NDUFAF2: variants seen among roughly 807,000 people sequenced by gnomAD.
NDUFAF2 encodes NADH dehydrogenase [ubiquinone] 1 alpha subcomplex assembly factor 2.
Under a neutral mutation model 22.8 loss-of-function variants are expected in NDUFAF2, and 13 were observed. The observed-to-expected ratio is 0.57, with a 90% CI of 0.37 to 0.91. The LOEUF is 0.91. Among genes scored for constraint, NDUFAF2 ranks in the 40% least tolerant of loss-of-function variants. NDUFAF2 has a pLI of 0.01. For synonymous variants in NDUFAF2, 53 were observed against 64.2 expected, an observed-to-expected ratio of 0.83 and a Z score of 0.84; for missense variants, 162 against 195.2, an observed-to-expected ratio of 0.83 and a Z score of 1.01.
chr5:60,985,887 T>TGG (rs1360664847), intron 1 of NDUFAF2, among the ~76,000 whole-genome samples: 1 of 152,098 alleles, frequency 6.6e-6, no homozygotes, highest in South Asian at 2.1e-4. Context: ...GAGATTTGGG[T>TGG]GGGGACACAG....
intron 1 of NDUFAF2, among the ~76,000 whole-genome samples, chr5:60,978,520 G>A (rs2619892): frequency 0.15 from 22,577 of 152,108 alleles, 2,136 homozygotes; most frequent in South Asian, 0.28. Flanking sequence ...CAAGCAGTTG[G>A]GGGAGGTGCC....
chr5:61,080,293 A>G lies in NDUFAF2; in HGVS notation c.217+7079A>G, dbSNP rs535668964. Reference sequence around the variant, plus strand: ...ATCTGTGAACAGAAATTTTCTTTCAAATAAGTCCTTGGGCAGGATTGGTAG... The same window carrying G: ...ATCTGTGAACAGAAATTTTCTTTCAGATAAGTCCTTGGGCAGGATTGGTAG... On this transcript the variant is annotated intron_variant, in intron 2 of 3. Coordinates refer to ENST00000296597, the MANE Select transcript of NDUFAF2 (RefSeq NM_174889.5). Among the ~76,000 whole-genome samples the G allele has an allele frequency of 5.1e-4, 77 of 152,354 alleles. 3 individuals carry two copies. In the South Asian group the frequency reaches 0.016, roughly 32 times the overall value.
At chr5:61,055,153 A>G (rs1300544979) in intron 1 of NDUFAF2, among the ~76,000 whole-genome samples, 2 of 152,234 alleles carry the variant, frequency 1.3e-5, no homozygotes, top group Non-Finnish European at 2.9e-5. Flanking sequence ...TTTACCATGT[A>G]TGCCACTACA....
chr5:61,025,667 G>A (rs1751640526), intron 1 of NDUFAF2, among the ~76,000 whole-genome samples: 1 of 151,910 alleles, frequency 6.6e-6, no homozygotes, highest in South Asian at 2.1e-4. Context: ...TAATGAAAAT[G>A]TGTCTCATTA....
At chr5:60,947,698 G>A (rs765598848) in intron 1 of NDUFAF2, among the ~76,000 whole-genome samples, 17 of 148,932 alleles carry the variant, frequency 1.1e-4, no homozygotes, top group Non-Finnish European at 2.1e-4. Context: ...CCTGGGAGGC[G>A]GATGTTGCAG....
At chr5:61,109,993 A>G (rs1204910685) in intron 3 of NDUFAF2, among the ~76,000 whole-genome samples, 3 of 152,166 alleles carry the variant, frequency 2.0e-5, no homozygotes, top group Non-Finnish European at 2.9e-5. Flanking sequence ...TGTTCCTTCT[A>G]TACTCAGTGT....
chr5:61,138,577 C>G (rs924749421), intron 3 of NDUFAF2, among the ~76,000 whole-genome samples: 1 of 152,112 alleles, frequency 6.6e-6, no homozygotes, highest in African/African-American at 2.4e-5. Context: ...ACTTTTAGGA[C>G]TTCCGGTTAG....
At position 60,984,862 on chromosome 5, in the gene NDUFAF2, T is replaced by G. The variant is rs865894997; in HGVS notation, c.127+39480T>G. Among the ~76,000 whole-genome samples, 113 of 152,198 alleles carry G rather than the reference T, an allele frequency of 7.4e-4. 1 individual carries two copies. The highest frequency in any genetic ancestry group is 3.4e-3 in the Middle Eastern group (1 of 294). On this transcript the variant is annotated intron_variant, in intron 1 of 3. Coordinates refer to ENST00000296597, the MANE Select transcript of NDUFAF2 (RefSeq NM_174889.5). ...ATGTTGGTGTAAAATTCTCTTTTTT[T>G]GTTGTGTCTCTGCCAGGCTTTGTTA...
At chr5:61,019,204 G>C (rs1288209903) in intron 1 of NDUFAF2, among the ~76,000 whole-genome samples, 1 of 152,070 alleles carries the variant, frequency 6.6e-6, no homozygotes, top group Non-Finnish European at 1.5e-5. Context: ...AAAATTGAAG[G>C]ATTGTAATTT....
Position 61,126,865 on chromosome 5 carries a change from A to G in NDUFAF2, c.259-25839A>G, listed in dbSNP as rs527541792. Among the ~76,000 whole-genome samples, 11 of 152,188 alleles carry G rather than the reference A, an allele frequency of 7.2e-5. No homozygotes were observed. The South Asian group carries it at 1.9e-3, about 26-fold the overall frequency. ...GAATCCAGGAGCTGGTTTTTTGAAA[A>G]GATCAACAAAATTGACAGACCACTA... On this transcript the variant is annotated intron_variant, in intron 3 of 3. Transcript: ENST00000296597.
At position 61,040,849 on chromosome 5, in the gene NDUFAF2, T is replaced by G. The variant is rs543116338; in HGVS notation, c.128-32276T>G. 2.6e-5 allele frequency among the ~76,000 whole-genome samples: 4 copies of G among 152,298 alleles called. No individual in the cohort carries two copies. The East Asian group carries it at 7.7e-4, about 29-fold the overall frequency. Reference sequence around the variant, plus strand: ...AATTACCAGGTTTGGGTTTCTATAGTTAGCAAAAGTAGGATAACTGTTGTT... The same window carrying G: ...AATTACCAGGTTTGGGTTTCTATAGGTAGCAAAAGTAGGATAACTGTTGTT... On this transcript the variant is annotated intron_variant, in intron 1 of 3. Transcript: ENST00000296597.
At chr5:61,031,403 G>C (rs1429610735) in intron 1 of NDUFAF2, among the ~76,000 whole-genome samples, 1 of 152,076 alleles carries the variant, frequency 6.6e-6, no homozygotes, top group Non-Finnish European at 1.5e-5. Context: ...AGAATATGTG[G>C]TGTTTGGTTT....
At chr5:60,995,660 G>A (rs1261958508) in intron 1 of NDUFAF2, among the ~76,000 whole-genome samples, 1 of 152,174 alleles carries the variant, frequency 6.6e-6, no homozygotes, top group Non-Finnish European at 1.5e-5. Flanking sequence ...TCTTGCCCAA[G>A]GCCTGCTGTA....
intron 3 of NDUFAF2, among the ~76,000 whole-genome samples, chr5:61,111,719 C>T (rs1400223479): frequency 1.3e-5 from 2 of 151,734 alleles, no homozygotes; most frequent in African/African-American, 4.8e-5. Flanking sequence ...CCTGGGTTTA[C>T]ACCATTCTCC....
chr5:60,995,771 T>G (rs1751221418), intron 1 of NDUFAF2, among the ~76,000 whole-genome samples: 1 of 152,058 alleles, frequency 6.6e-6, no homozygotes, highest in Admixed American at 6.5e-5. Context: ...CCCTTCAGAG[T>G]GGCAAGGTCC....
chr5:61,092,485 T>C (rs1265705058), intron 2 of NDUFAF2, among the ~76,000 whole-genome samples: 2 of 152,138 alleles, frequency 1.3e-5, no homozygotes, highest in African/African-American at 4.8e-5. Context: ...GAATGGGAGT[T>C]AGTTTGTAAT....
intron 3 of NDUFAF2, among the ~76,000 whole-genome samples, chr5:61,149,931 T>C (rs1472392250): frequency 6.6e-6 from 1 of 152,140 alleles, no homozygotes; most frequent in African/African-American, 2.4e-5. Flanking sequence ...TGGGGGTTTT[T>C]TTGTTTTGTT....
At chr5:60,953,622 G>C (rs1750576774) in intron 1 of NDUFAF2, among the ~76,000 whole-genome samples, 3 of 152,078 alleles carry the variant, frequency 2.0e-5, no homozygotes, top group African/African-American at 7.2e-5. Context: ...TCCTCATTTG[G>C]TTGATGTATT....
Position 60,996,577 on chromosome 5 carries a change from C to T in NDUFAF2, c.127+51195C>T, listed in dbSNP as rs554969869. Among the ~76,000 whole-genome samples, 12 of 152,240 alleles carry T rather than the reference C, an allele frequency of 7.9e-5. No homozygotes were observed. In the South Asian group the frequency reaches 2.1e-3, roughly 26 times the overall value. On this transcript the variant is annotated intron_variant, in intron 1 of 3. Coordinates refer to ENST00000296597, the MANE Select transcript of NDUFAF2 (RefSeq NM_174889.5). ...GGACTGTGCCCTTCCAGTCCACTGT[C>T]GCTGAGCCTAGTTCAACACCAGGAT... is the stretch of plus-strand genomic sequence containing the variant.
Sources: gnomAD v4.1 joint callset for allele counts (sites outside exome capture counted in the v4.1 genomes callset) on GRCh38, gnomAD v4.1.1 for gene constraint, MANE v1.5 for transcripts, NCBI Gene and HGNC (gene_info 2026-07-23, HGNC 2026-07-21) for gene names.